Variants in NBAS observed in about 807,000 individuals in gnomAD.
NBAS encodes the protein NAG/BC035112 fusion.
A neutral mutation model predicts 302.5 loss-of-function variants in NBAS; 219 were observed. That is an observed-to-expected ratio of 0.72 (90% CI 0.65 to 0.81). The LOEUF is 0.81. Among genes scored for constraint, NBAS ranks in the 30% least tolerant of loss-of-function variants. The pLI, the probability that NBAS is intolerant of heterozygous loss-of-function variation, is 0.00. For synonymous variants in NBAS, 1,118 were observed against 1,021.6 expected (o/e 1.09, Z -1.80); for missense variants, 2,932 against 2,841.6 (o/e 1.03, Z -0.72).
At chr2:15,034,037 A>AAGAAGAAGAAGAAGAAGG in the NBAS span, among the ~76,000 whole-genome samples, 29 of 42,010 alleles carry the variant, frequency 6.9e-4, 3 homozygotes, top group Admixed American at 8.6e-3. Context: ...GAGGAGGAGG[A>AAGAAGAAGAAGAAGAAGG]AGGAGGAGGA....
chr2:15,283,974 G>A (rs142360320), intron 42 of NBAS, among the ~76,000 whole-genome samples: 2 of 152,220 alleles, frequency 1.3e-5, no homozygotes, highest in East Asian at 3.9e-4. Context: ...TACTAAGTTT[G>A]TAATGAGTGA....
chr2:14,885,927 T>A, the NBAS span, among the ~76,000 whole-genome samples: 1 of 152,154 alleles, frequency 6.6e-6, no homozygotes, highest in East Asian at 1.9e-4. Context: ...AAAAGCCAGA[T>A]TGGCACGGAA....
At chr2:14,793,715 C>T in the NBAS span, among the ~76,000 whole-genome samples, 1 of 152,066 alleles carries the variant, frequency 6.6e-6, no homozygotes, top group Non-Finnish European at 1.5e-5. Context: ...ATTCAAGAAA[C>T]TGAGTAAACA....
At chr2:15,420,320 G>C (rs1409613255) in intron 23 of NBAS, among the ~76,000 whole-genome samples, 3 of 152,186 alleles carry the variant, frequency 2.0e-5, no homozygotes, top group Non-Finnish European at 2.9e-5. Flanking sequence ...ACATTAAGAG[G>C]TAGACTGAGG....
intron 47 of NBAS, among the ~76,000 whole-genome samples, chr2:15,228,931 C>T (rs1396355427): frequency 6.6e-6 from 1 of 152,088 alleles, no homozygotes; most frequent in Non-Finnish European, 1.5e-5. Flanking sequence ...AGAGCAAATA[C>T]CCATGTATTG....
the NBAS span, among the ~76,000 whole-genome samples, chr2:15,085,066 G>C: frequency 3.3e-5 from 5 of 152,160 alleles, no homozygotes; most frequent in East Asian, 1.9e-4. Flanking sequence ...CTGCTGTGAC[G>C]GGCCGGGCCA....
the NBAS span, among the ~76,000 whole-genome samples, chr2:15,056,882 G>C: frequency 0.071 from 10,464 of 146,628 alleles, 460 homozygotes; most frequent in East Asian, 0.21. Context: ...AGGCTGGAGT[G>C]CAGTGGTGCG....
the NBAS span, among the ~76,000 whole-genome samples, chr2:14,940,993 C>T: frequency 7.8e-4 from 119 of 152,338 alleles, no homozygotes; most frequent in African/African-American, 2.7e-3. Context: ...AAGCCTACTA[C>T]GTGCCAGACA....
At chr2:14,890,854 C>A in the NBAS span, 6,396 of 152,916 alleles carry the variant, frequency 0.042, 145 homozygotes, top group Non-Finnish European at 0.052. Context: ...CAAACAACAA[C>A]AAAAAAAAAC....
chr2:14,985,951 C>A, the NBAS span, among the ~76,000 whole-genome samples: 71 of 152,254 alleles, frequency 4.7e-4, no homozygotes, highest in Non-Finnish European at 8.8e-4. Flanking sequence ...CTGACATTAA[C>A]CACACAATCT....
intron 24 of NBAS, 54 bp downstream of exon 24, chr2:15,417,473 A>C: frequency 6.9e-7 from 1 of 1,449,858 alleles, no homozygotes; most frequent in Non-Finnish European, 9.6e-7. Context: ...TATGTATCAA[A>C]GTGCATAGAA....
intron 12 of NBAS, among the ~76,000 whole-genome samples, chr2:15,485,374 C>G (rs1484755072): frequency 6.6e-6 from 1 of 152,234 alleles, no homozygotes; most frequent in East Asian, 1.9e-4. Flanking sequence ...CACTAAATAA[C>G]TAATAACACA....
In NBAS at chr2:15,277,058, G is replaced by C. The variant is rs745492443; in HGVS notation, c.5182C>G (p.Leu1728Val). 7 of 1,613,686 alleles carry C rather than the reference G, an allele frequency of 4.3e-6. No individual in the cohort carries two copies. In the South Asian group the frequency reaches 7.7e-5, roughly 18 times the overall value. The change falls in exon 43 of 52, where the codon CTC (leucine) becomes GTC (valine). Residue 1728 changes from leucine (L) to valine (V), a missense_variant. By Grantham distance (32) the Leu-to-Val change is conservative. Coordinates refer to ENST00000281513, the MANE Select transcript of NBAS (RefSeq NM_015909.4). ...GGATCAGTCTTCAAAGTCTCAAAGA[G>C]ATGAAGGTCTTGGGCTCTATTTTCA... ...EIENRAQDLHLFETLKTDPEA... is the reference protein window; with the variant it reads ...EIENRAQDLHVFETLKTDPEA...
intron 50 of NBAS, among the ~76,000 whole-genome samples, chr2:15,182,974 T>C (rs1298027928): frequency 6.6e-6 from 1 of 152,102 alleles, no homozygotes. Context: ...TACTCTTAAG[T>C]ACTCTGACAT....
the NBAS span, among the ~76,000 whole-genome samples, chr2:15,150,934 C>G: frequency 5.3e-5 from 8 of 152,040 alleles, no homozygotes; most frequent in Admixed American, 2.6e-4. Context: ...TAGGCAAAAC[C>G]TATAGTGAGG....
At chr2:14,845,946 T>C in the NBAS span, among the ~76,000 whole-genome samples, 1 of 150,882 alleles carries the variant, frequency 6.6e-6, no homozygotes, top group African/African-American at 2.4e-5. Context: ...AATCTAAGAG[T>C]TATTGGCCTT....
At chr2:14,787,057 A>G in the NBAS span, among the ~76,000 whole-genome samples, 3 of 152,104 alleles carry the variant, frequency 2.0e-5, no homozygotes, top group South Asian at 2.1e-4. Flanking sequence ...TGTTGAATTG[A>G]TCCCTTTACC....
At chr2:14,895,590 T>C in the NBAS span, among the ~76,000 whole-genome samples, 1 of 151,982 alleles carries the variant, frequency 6.6e-6, no homozygotes, top group African/African-American at 2.4e-5. Flanking sequence ...TACAAAAAAA[T>C]TAGCCGGGTG....
At chr2:15,221,891 C>G (rs1445504790) in intron 47 of NBAS, among the ~76,000 whole-genome samples, 1 of 152,166 alleles carries the variant, frequency 6.6e-6, no homozygotes, top group Admixed American at 6.5e-5. Context: ...TGCAGTTTAA[C>G]TCTTTGACAG....
Sources: allele counts gnomAD v4.1 joint callset (sites outside exome capture counted in the v4.1 genomes callset), GRCh38; gene constraint gnomAD v4.1.1; transcripts MANE v1.5; gene names NCBI Gene and HGNC (gene_info 2026-07-23, HGNC 2026-07-21).